PTCH2: variants seen among roughly 807,000 people sequenced by gnomAD.
The protein encoded by PTCH2 is patched 2, also known as protein patched homolog 2.
Under a neutral mutation model 117.9 loss-of-function variants are expected in PTCH2, and 96 were observed. That is an observed-to-expected ratio of 0.81 (90% confidence interval 0.69 to 0.96). PTCH2 has a LOEUF of 0.96. Among genes scored for constraint, PTCH2 ranks in the 50% least tolerant of loss-of-function variants. The pLI, the probability that PTCH2 is intolerant of heterozygous loss-of-function variation, is 0.00. For missense variants in PTCH2, 1,379 were observed against 1,562.5 expected (o/e 0.88, Z 1.98); for synonymous variants, 615 against 660.9 (o/e 0.93, Z 1.06).
Position 44,829,614 on chromosome 1 carries a change from C to A in PTCH2, c.1083G>T (p.Gln361His). The A allele has an allele frequency of 1.2e-6, 2 of 1,614,218 alleles. No individual in the cohort carries two copies. The highest frequency in any genetic ancestry group is 2.2e-5 in the South Asian group (2 of 91,090). Reference protein sequence around the residue: ...VLQAWQRRFVQLAQEALPENA... With the variant: ...VLQAWQRRFVHLAQEALPENA... ...CCCCCTTGTCCTTGTCCATACCGAC[C>A]TGCACAAAGCGCCGCTGCCAGGCTT... The change falls in exon 8 of 22, where the codon CAG (glutamine) becomes CAT (histidine). Residue 361 changes from glutamine to histidine, a missense_variant and splice_region_variant. Coordinates refer to ENST00000372192, the MANE Select transcript of PTCH2 (RefSeq NM_003738.5).
chr1:44,838,668 C>T (rs1444503160), intron 2 of PTCH2, among the ~76,000 whole-genome samples: 1 of 152,128 alleles, frequency 6.6e-6, no homozygotes, highest in Non-Finnish European at 1.5e-5. Flanking sequence ...GAACTCTGGT[C>T]TGGAACACTG....
rs1439691862 is a variant in PTCH2 at position 44,828,126 on chromosome 1, C to G, written c.1775G>C (p.Gly592Ala). The G allele has an allele frequency of 6.2e-7, 1 of 1,614,026 alleles. No homozygotes were observed. The highest frequency in any genetic ancestry group is 8.5e-7 in the Non-Finnish European group (1 of 1,180,048). Residue 592 changes from glycine to alanine, a missense_variant, in exon 14 of 22, where the codon GGC becomes GCC. Physicochemically the swap from Gly to Ala is moderately conservative, Grantham distance 60 (BLOSUM62 0). Coordinates refer to ENST00000372192, the MANE Select transcript of PTCH2 (RefSeq NM_003738.5). ...AACTGTGGCAGTGAGGTGGGCAATG[C>G]CCACTGGTACTGTCCCGTCCCCCAG... ...QELGDGTVPV[G>A]IAHLTATVQA...
intron 2 of PTCH2, among the ~76,000 whole-genome samples, chr1:44,834,117 C>A (rs1653578608): frequency 1.4e-5 from 2 of 146,446 alleles, no homozygotes; most frequent in South Asian, 4.3e-4. Flanking sequence ...CTGCCAGTTC[C>A]TTCCCTTTTT....
At position 44,822,436 on chromosome 1, in the gene PTCH2, T is replaced by C. The variant is rs764929755; in HGVS notation, c.3591A>G (p.Gly1197=). 4 of 1,613,638 alleles carry C rather than the reference T, an allele frequency of 2.5e-6. No homozygotes were observed. The South Asian group carries it at 4.4e-5, about 18-fold the overall frequency. The change falls in exon 22 of 22, where the codon GGA becomes GGG. Residue 1197 remains glycine (G), a synonymous_variant. Coordinates refer to ENST00000372192, the MANE Select transcript of PTCH2 (RefSeq NM_003738.5). ...ATSSGNLSSR[G]PGPATG is the part of the protein sequence containing the mutation. ...TCTTTCACCCAGTGGCTGGACCTGG[T>C]CCCCTGGAACTGAGGTTGCCAGAGC...
chr1:44,833,608 T>A (rs1421285569), intron 2 of PTCH2, among the ~76,000 whole-genome samples: 1 of 151,662 alleles, frequency 6.6e-6, no homozygotes, highest in Admixed American at 6.6e-5. Context: ...GGCTAATTTT[T>A]AAATTTTTTG....
chr1:44,840,805 A>G (rs1233290063), intron 2 of PTCH2, among the ~76,000 whole-genome samples: 1 of 152,076 alleles, frequency 6.6e-6, no homozygotes, highest in Non-Finnish European at 1.5e-5. Flanking sequence ...GAGGCACAAG[A>G]ATCACTTGAC....
rs868360367 is a variant in PTCH2, at chr1:44,828,371, A to G, written c.1634T>C (p.Val545Ala). The change falls in exon 13 of 22, where the codon GTC becomes GCC. Residue 545 changes from valine (V) to alanine (A), a missense_variant. Transcript: ENST00000372192. ...GTCCAGGCTGAGGATGGCTGGGAAG[A>G]CAAGCATCACGGCTACAAAGGTGCA... ...VGCTFVAVML[V>A]FPAILSLDLR... 19 of 1,614,020 alleles carry G rather than the reference A, an allele frequency of 1.2e-5. 1 individual carries two copies. Among genetic ancestry groups the G allele is most frequent in the Middle Eastern group, 1.6e-4 (1 of 6,084 alleles).
downstream of PTCH2, chr1:44,820,317 C>T (rs1379231714): frequency 1.2e-5 from 6 of 492,172 alleles, no homozygotes; most frequent in African/African-American, 1.9e-5. Context: ...GGACCCGCAC[C>T]CCGTGGGCGG....
At position 44,843,127 on chromosome 1, in the gene PTCH2, G is replaced by C; in HGVS notation, c.-195C>G. ...GAGGAGTGCAGGGAGCTGCGGGTCC[G>C]GGGCGCGGCGCCGGGATTCACCCGC... On this transcript the variant is annotated 5_prime_UTR_variant, in exon 1 of 22. Transcript: ENST00000372192. 7.6e-7 allele frequency: 1 copy of C among 1,313,222 alleles called. No homozygotes were observed. The allele number at this position is 1,313,222 out of a possible 1,614,324, so 81.3% of individuals were successfully genotyped here. A position where few individuals can be genotyped will look rare whatever the true frequency, so the allele number is the denominator to read the frequency against.
chr1:44,827,574 G>T lies in PTCH2; in HGVS notation c.2199C>A (p.Tyr733Ter). ...EHAFLSAQLR[Y>*]FSLYEVALVT... ...CCAGGGCCACCTCGTACAGGGAGAA[G>T]TACCTGAGCTGGGCGCTCAGGAAGG... Residue 733 changes from tyrosine to a stop codon, truncating the protein, a stop_gained, in exon 15 of 22, where the codon TAC becomes TAA. Transcript: ENST00000372192. LOFTEE classifies it high-confidence loss of function. The T allele has an allele frequency of 6.2e-7, 1 of 1,614,162 alleles. No individual in the cohort carries two copies. The highest frequency in any genetic ancestry group is 8.5e-7 in the Non-Finnish European group (1 of 1,180,034).
Position 44,828,384 on chromosome 1 carries a change from C to A in PTCH2, c.1621G>T (p.Ala541Ser), listed in dbSNP as rs778833779. 3 of 1,614,174 alleles carry A rather than the reference C, an allele frequency of 1.9e-6. No homozygotes were observed. The highest frequency in any genetic ancestry group is 3.3e-5 in the Admixed American group (2 of 60,028). ...ATGGCTGGGAAGACAAGCATCACGG[C>A]TACAAAGGTGCAGCCAACCACTATG... ...AAIVVGCTFV[A>S]VMLVFPAILS... Residue 541 changes from alanine (A) to serine (S), a missense_variant, in exon 13 of 22, where the codon GCC becomes TCC. Coordinates refer to ENST00000372192, the MANE Select transcript of PTCH2 (RefSeq NM_003738.5).
chr1:44,833,699 C>T (rs1040632193), intron 2 of PTCH2, among the ~76,000 whole-genome samples: 17 of 151,992 alleles, frequency 1.1e-4, no homozygotes, highest in African/African-American at 3.9e-4. Context: ...CAGGTTCAAG[C>T]GATTCTCGTG....
At position 44,826,247 on chromosome 1, in the gene PTCH2, C is replaced by T. The variant is rs762739218; in HGVS notation, c.3114+3G>A. ...GGTCCCTCCCCGGGGTGCCCGTGCT[C>T]ACCAGAGCCACGTGGACTGTGAACT... On this transcript the variant is annotated splice_donor_region_variant and intron_variant, in intron 19 of 21. Coordinates refer to ENST00000372192, the MANE Select transcript of PTCH2 (RefSeq NM_003738.5). The surrounding 1 kb of genome is among the most constrained non-coding windows in gnomAD (Gnocchi z 5.1). 1 of 1,613,934 alleles carries T rather than the reference C, an allele frequency of 6.2e-7. No homozygotes were observed.
In PTCH2 at chr1:44,832,263, A is replaced by G; in HGVS notation, c.344T>C (p.Leu115Pro). The G allele has an allele frequency of 6.2e-7, 1 of 1,614,194 alleles. No homozygotes were observed. Among genetic ancestry groups the G allele is most frequent in the Non-Finnish European group, 8.5e-7 (1 of 1,180,028 alleles). The part of the protein sequence containing the change: ...GEEAAYTSQM[L>P]IQTARQEGEN... ...TCCCTCCTGGCGTGCGGTCTGTATCAGCATCTGAGAGGTGTATGCAGCCTC... is the reference window on the plus strand; with the variant it reads ...TCCCTCCTGGCGTGCGGTCTGTATCGGCATCTGAGAGGTGTATGCAGCCTC... The change falls in exon 3 of 22, where the codon CTG (leucine) becomes CCG (proline). Residue 115 changes from leucine to proline, a missense_variant. Leu to Pro is a moderately conservative substitution (Grantham distance 98). Transcript: ENST00000372192.
rs373442797 is a variant in PTCH2 at position 44,838,364 on chromosome 1, C to T, written c.265+3483G>A. Among the ~76,000 whole-genome samples, 21 of 152,272 alleles carry T rather than the reference C, an allele frequency of 1.4e-4. 1 individual carries two copies. In the East Asian group the frequency reaches 3.5e-3, roughly 25 times the overall value. ...TCAAGCGATTCTCCTGCCACAGCCT[C>T]CCCAGTAGCTGGGATTACAGGCATG... On this transcript the variant is annotated intron_variant, in intron 2 of 21. Transcript: ENST00000372192.
At position 44,829,972 on chromosome 1, in the gene PTCH2, A is replaced by G. The variant is rs763019826; in HGVS notation, c.872T>C (p.Met291Thr). 4 of 1,614,160 alleles carry G rather than the reference A, an allele frequency of 2.5e-6. No homozygotes were observed. In the South Asian group the frequency reaches 3.3e-5, roughly 13 times the overall value. The change falls in exon 7 of 22, where the codon ATG becomes ACG. Residue 291 changes from methionine to threonine, a missense_variant. By Grantham distance (81) the Met-to-Thr change is moderately conservative. Coordinates refer to ENST00000372192, the MANE Select transcript of PTCH2 (RefSeq NM_003738.5). ...CAGCAGCAATTCCTCCTGCCAGTGC[A>G]TGAATTTGTGGGAGAAGCCATGGCA... ...GGCHGFSHKF[M>T]HWQEELLLGG...
Position 44,830,970 on chromosome 1 carries a change from G to T in PTCH2, c.691C>A (p.Leu231Ile), listed in dbSNP as rs2148879218. ...LLEELGPFAS[L>I]EGFRELLDKA... Reference sequence around the variant, plus strand: ...TCTAGCAGCTCCCGGAAGCCCTCAAGGGAGGCAAAGGGACCCAGCTCCTCC... The same window carrying T: ...TCTAGCAGCTCCCGGAAGCCCTCAATGGAGGCAAAGGGACCCAGCTCCTCC... The change falls in exon 6 of 22, where the codon CTT (leucine) becomes ATT (isoleucine). Residue 231 changes from leucine (L) to isoleucine (I), a missense_variant. Leu to Ile is a conservative substitution (Grantham distance 5). Coordinates refer to ENST00000372192, the MANE Select transcript of PTCH2 (RefSeq NM_003738.5). 1 of 1,612,334 alleles carries T rather than the reference G, an allele frequency of 6.2e-7. No individual in the cohort carries two copies. Among genetic ancestry groups the T allele is most frequent in the Admixed American group, 1.7e-5 (1 of 59,988 alleles).
Position 44,831,445 on chromosome 1 carries a change from G to A in PTCH2, c.617+261C>T, listed in dbSNP as rs567086843. Among the ~76,000 whole-genome samples the A allele has an allele frequency of 2.6e-5, 4 of 152,280 alleles. No homozygotes were observed. In the South Asian group the frequency reaches 8.3e-4, roughly 32 times the overall value. ...ATTTCCCCCAGCAAAGCCTCTTTGT[G>A]GGGATCTTTTTCTCCTTTGCTCAGA... On this transcript the variant is annotated intron_variant, in intron 5 of 21. Transcript: ENST00000372192. The surrounding 1 kb of genome is among the most constrained non-coding windows in gnomAD (Gnocchi z 4.3).
At chr1:44,842,528 C>G (rs1342478277) in intron 1 of PTCH2, among the ~76,000 whole-genome samples, 6 of 152,212 alleles carry the variant, frequency 3.9e-5, no homozygotes, top group Non-Finnish European at 1.5e-5. Context: ...ATCTGCCTGC[C>G]TCAGCCTCCC....
Sources: allele counts gnomAD v4.1 joint callset (sites outside exome capture counted in the v4.1 genomes callset), GRCh38; gene constraint gnomAD v4.1.1; non-coding constraint Gnocchi (gnomAD v3.1); transcripts MANE v1.5; gene names NCBI Gene and HGNC (gene_info 2026-07-23, HGNC 2026-07-21).